The following TCOF1 variants were observed in gnomAD, a reference collection of about 807,000 sequenced individuals.
The protein encoded by TCOF1 is treacle ribosome biogenesis factor 1, also known as treacle protein.
Under a neutral mutation model 149.0 loss-of-function variants are expected in TCOF1, and 33 were observed. The ratio of observed to expected loss-of-function variants is 0.22; its 90% CI spans 0.17 to 0.30. The LOEUF is 0.30. TCOF1 is among the 10% of genes least tolerant of loss of function. TCOF1 has a pLI of 1.00. For missense variants in TCOF1, 1,728 were observed against 1,840.7 expected, an observed-to-expected ratio of 0.94 and a Z score of 1.12; for synonymous variants, 789 against 738.8, an observed-to-expected ratio of 1.07 and a Z score of -1.10.
Position 150,379,640 on chromosome 5 carries a change from G to A in TCOF1, c.2767G>A (p.Ala923Thr). 1 of 1,613,952 alleles carries A rather than the reference G, an allele frequency of 6.2e-7. No homozygotes were observed. The highest frequency in any genetic ancestry group is 8.5e-7 in the Non-Finnish European group (1 of 1,179,964). The change falls in exon 17 of 27, where the codon GCT becomes ACT. Residue 923 changes from alanine (A) to threonine (T), a missense_variant. Transcript: ENST00000643257. Reference sequence around the variant, plus strand: ...ACCTCCTGGGAAGACAGGGCCTTCGGCTGCCCAGGCAGGGAAGCAGGATGA... The same window carrying A: ...ACCTCCTGGGAAGACAGGGCCTTCGACTGCCCAGGCAGGGAAGCAGGATGA... ...PTPPGKTGPSAAQAGKQDDSG... is the reference protein window; with the variant it reads ...PTPPGKTGPSTAQAGKQDDSG...
intron 22 of TCOF1, 83 bp downstream of exon 22, chr5:150,392,873 G>A (rs1767730816): frequency 3.3e-6 from 5 of 1,514,598 alleles, no homozygotes; most frequent in Non-Finnish European, 4.5e-6. Flanking sequence ...GATCCCTCAG[G>A]TCAGGGGTCT....
At chr5:150,389,389 A>T (rs929593973) in intron 18 of TCOF1, among the ~76,000 whole-genome samples, 1 of 152,224 alleles carries the variant, frequency 6.6e-6, no homozygotes, top group Non-Finnish European at 1.5e-5. Context: ...CTACAGAGAA[A>T]TCCCTTGGGT....
At chr5:150,361,994 G>T (rs1378485765) in intron 2 of TCOF1, among the ~76,000 whole-genome samples, 1 of 152,164 alleles carries the variant, frequency 6.6e-6, no homozygotes, top group Non-Finnish European at 1.5e-5. Context: ...GACTGGTGGG[G>T]CCATGGTCAC....
rs925861144 is a variant in TCOF1, at chr5:150,393,756, A to G, written c.3784+204A>G. ...GGGCCAGGTGCAGTGGCTCATGCCC[A>G]TAATCCCAGCACTTTGGGAGGCCGA... On this transcript the variant is annotated intron_variant, in intron 23 of 26. Transcript: ENST00000643257. 8 of 680,884 alleles carry G rather than the reference A, an allele frequency of 1.2e-5. No homozygotes were observed. In the African/African-American group the frequency reaches 1.4e-4, roughly 12 times the overall value. 42.2% of individuals were successfully genotyped at this position (680,884 alleles called of 1,614,324 possible).
At chr5:150,383,117 A>G (rs1765569063) in intron 17 of TCOF1, 1 of 1,535,956 alleles carries the variant, frequency 6.5e-7, no homozygotes, top group African/African-American at 1.4e-5. Context: ...GCACCCCCAG[A>G]GAGGAACACG....
At chr5:150,363,932 CTT>C (rs1760722707) in intron 2 of TCOF1, among the ~76,000 whole-genome samples, 179 bp from the exon 3 acceptor site, 1 of 152,200 alleles carries the variant, frequency 6.6e-6, no homozygotes, top group Admixed American at 6.5e-5. Flanking sequence ...TGTAAAAGCA[CTT>C]TATGAAGTGA....
chr5:150,383,967 C>T (rs1765760799), intron 17 of TCOF1: 1 of 1,432,838 alleles, frequency 7.0e-7, no homozygotes, highest in Non-Finnish European at 9.1e-7. Context: ...TTCCATCAGA[C>T]AGCATTACCC....
At chr5:150,384,320 C>T in intron 17 of TCOF1, 2 of 986,512 alleles carry the variant, frequency 2.0e-6, no homozygotes, top group African/African-American at 1.7e-5. Context: ...AGGGTGGCTC[C>T]CTTTGTTGTT....
At chr5:150,359,551 C>G (rs1179945295) in intron 1 of TCOF1, among the ~76,000 whole-genome samples, 3 of 152,042 alleles carry the variant, frequency 2.0e-5, no homozygotes, top group Admixed American at 6.5e-5. Context: ...GGTGTAGGCT[C>G]TGCTCCTAAT....
chr5:150,396,835 C>T lies in TCOF1; in HGVS notation c.4338C>T (p.Ser1446=), dbSNP rs373475686. Residue 1446 remains serine, a synonymous_variant, in exon 24 of 27, where the codon TCC becomes TCT. Coordinates refer to ENST00000643257, the MANE Select transcript of TCOF1 (RefSeq NM_001371623.1). ...AGAGCAAGAAGGAGAAGAAGAAATCCGACAAGAGTGAGTGACCGCTTCTCC... is the reference window on the plus strand; with the variant it reads ...AGAGCAAGAAGGAGAAGAAGAAATCTGACAAGAGTGAGTGACCGCTTCTCC... ...NPKSKKEKKK[S]DKRKKDKEKK... The T allele has an allele frequency of 2.8e-5, 45 of 1,597,984 alleles. No homozygotes were observed. The highest frequency in any genetic ancestry group is 1.2e-4 in the South Asian group (11 of 88,804).
chr5:150,366,300 A>G (rs920554833), intron 3 of TCOF1, among the ~76,000 whole-genome samples: 11 of 151,912 alleles, frequency 7.2e-5, no homozygotes, highest in African/African-American at 1.9e-4. Flanking sequence ...GCAGTGAGCT[A>G]TGAATGTGCC....
At chr5:150,399,209 G>A in intron 26 of TCOF1, 139 bp downstream of exon 26, 1 of 1,163,498 alleles carries the variant, frequency 8.6e-7, no homozygotes, top group East Asian at 2.5e-5. Flanking sequence ...TGTTGCCAAG[G>A]GTCCATGGGG....
intron 7 of TCOF1, among the ~76,000 whole-genome samples, chr5:150,373,739 C>G (rs527544828): frequency 5.9e-5 from 9 of 152,356 alleles, no homozygotes; most frequent in African/African-American, 2.2e-4. Flanking sequence ...TCCTTCCCTT[C>G]CCTGGGCCTT....
chr5:150,369,145 G>C (rs1418067851), intron 5 of TCOF1, among the ~76,000 whole-genome samples: 1 of 152,204 alleles, frequency 6.6e-6, no homozygotes, highest in African/African-American at 2.4e-5. Context: ...TGACTCCCTG[G>C]TGAGTTACAG....
In TCOF1 at chr5:150,392,031, G is replaced by C. The variant is rs751632896; in HGVS notation, c.3372G>C (p.Lys1124Asn). Residue 1124 changes from lysine to asparagine, a missense_variant, in exon 21 of 27, where the codon AAG becomes AAC. This residue lies in a region of TCOF1 where 1,696 missense variants were observed against 1,765.4 expected (regional missense o/e 0.96). Coordinates refer to ENST00000643257, the MANE Select transcript of TCOF1 (RefSeq NM_001371623.1). ...CCGTCCAGGCCAAAGGGACCAACAA[G>C]CTCAGAAAACCTAAGCTTCCTGAGG... ...STSVQAKGTN[K>N]LRKPKLPEVQ... 1 of 1,614,122 alleles carries C rather than the reference G, an allele frequency of 6.2e-7. No individual in the cohort carries two copies. Among genetic ancestry groups the C allele is most frequent in the African/African-American group, 1.3e-5 (1 of 74,936 alleles).
At chr5:150,388,139 C>T in intron 18 of TCOF1, 51 bp downstream of exon 18, 1 of 1,608,446 alleles carries the variant, frequency 6.2e-7, no homozygotes, top group Non-Finnish European at 8.5e-7. Context: ...CACTGCCCCA[C>T]ATTGAGGCCC....
chr5:150,359,091 A>G, intron 1 of TCOF1, among the ~76,000 whole-genome samples: 1 of 152,136 alleles, frequency 6.6e-6, no homozygotes, highest in Non-Finnish European at 1.5e-5. Context: ...TCACGCCTGT[A>G]ATCCCAGCAC....
chr5:150,384,640 C>T (rs1375959386), intron 17 of TCOF1: 4 of 984,964 alleles, frequency 4.1e-6, no homozygotes, highest in Non-Finnish European at 4.8e-6. Context: ...TAAACTGAAC[C>T]ATTTAATTGG....
rs151344570 is a variant in TCOF1 at position 150,375,870 on chromosome 5, G to A, written c.1854G>A (p.Ala618=). 4.5e-5 allele frequency: 73 copies of A among 1,614,036 alleles called. No homozygotes were observed. Among genetic ancestry groups the A allele is most frequent in the South Asian group, 3.3e-5 (3 of 91,088 alleles). ...GCAGCGAGGAGTCATCGGACAGTGC[G>A]GACAGTGAGGAGGCACCAGCAGCCA... ...SESSEESSDS[A]DSEEAPAAMT... The change falls in exon 12 of 27, where the codon GCG becomes GCA. Residue 618 remains alanine, a synonymous_variant. Coordinates refer to ENST00000643257, the MANE Select transcript of TCOF1 (RefSeq NM_001371623.1).
Sources: gnomAD v4.1 joint callset for allele counts (sites outside exome capture counted in the v4.1 genomes callset) on GRCh38, gnomAD v4.1.1 for gene constraint, gnomAD v4.1.1 regional missense constraint, MANE v1.5 for transcripts, NCBI Gene and HGNC (gene_info 2026-07-23, HGNC 2026-07-21) for gene names.